CAMK4: variants seen among roughly 807,000 people sequenced by gnomAD.
The protein encoded by CAMK4 is calcium/calmodulin-dependent protein kinase type IV.
A neutral mutation model predicts 44.9 loss-of-function variants in CAMK4; 22 were observed. That is an observed-to-expected ratio of 0.49 (90% CI 0.35 to 0.70). CAMK4 has a LOEUF of 0.70. Ranked by LOEUF, CAMK4 falls within the 30% of genes least tolerant of loss-of-function variation. The pLI is 0.01. For synonymous variants in CAMK4, 218 were observed against 215.4 expected (o/e 1.01, Z -0.11); for missense variants, 498 against 586.8 (o/e 0.85, Z 1.56).
chr5:111,407,440 G>A (rs1217393118), intron 5 of CAMK4, among the ~76,000 whole-genome samples: 2 of 151,518 alleles, frequency 1.3e-5, no homozygotes, highest in African/African-American at 4.9e-5. Flanking sequence ...GGTCCAGAAA[G>A]GCATGCACTG....
intron 1 of CAMK4, among the ~76,000 whole-genome samples, chr5:111,329,628 T>A (rs889816512): frequency 6.6e-6 from 1 of 151,796 alleles, no homozygotes; most frequent in African/African-American, 2.4e-5. Flanking sequence ...AAATAATACA[T>A]CATCAGCAAA....
At chr5:111,288,953 T>C (rs891767080) in intron 1 of CAMK4, among the ~76,000 whole-genome samples, 41 of 152,246 alleles carry the variant, frequency 2.7e-4, no homozygotes, top group African/African-American at 8.7e-4. Context: ...TAAAGTCCCA[T>C]GCACAGAGTG....
At chr5:111,383,912 T>A (rs1226033961) in intron 4 of CAMK4, among the ~76,000 whole-genome samples, 1 of 152,140 alleles carries the variant, frequency 6.6e-6, no homozygotes. Flanking sequence ...AGACTATATA[T>A]GCTATGACTC....
intron 7 of CAMK4, among the ~76,000 whole-genome samples, chr5:111,451,076 G>T (rs1314075107): frequency 1.3e-5 from 2 of 152,022 alleles, no homozygotes; most frequent in African/African-American, 4.8e-5. Context: ...TAAATCCATA[G>T]AATTTTAGTG....
chr5:111,469,079 G>A (rs2112480029), intron 7 of CAMK4, among the ~76,000 whole-genome samples: 1 of 146,488 alleles, frequency 6.8e-6, no homozygotes, highest in Non-Finnish European at 1.5e-5. Flanking sequence ...AGGAGGCGGA[G>A]GTTGCAGTGA....
At chr5:111,325,954 C>T (rs942745451) in intron 1 of CAMK4, among the ~76,000 whole-genome samples, 1 of 151,994 alleles carries the variant, frequency 6.6e-6, no homozygotes, top group African/African-American at 2.4e-5. Flanking sequence ...TTGTGGGATA[C>T]AGCTAAAGTA....
intron 1 of CAMK4, among the ~76,000 whole-genome samples, chr5:111,275,500 T>TA (rs1750719452): frequency 6.6e-6 from 1 of 152,108 alleles, no homozygotes. Context: ...TTCATTTTTT[T>TA]ATTATACTTT....
At position 111,224,434 on chromosome 5, in the gene CAMK4, CGGGCAGCGG is replaced by C. The variant is rs1561344087; in HGVS notation, c.-49_-41del. ...GGCGGCTGGCGGCCGGCTTCTCGCT[CGGGCAGCGG>C]CGGCGGCGGCGGCGGCGGCTTCCGG... On this transcript the variant is annotated 5_prime_UTR_variant, in exon 1 of 11. Coordinates refer to ENST00000282356, the MANE Select transcript of CAMK4 (RefSeq NM_001744.6). This position sits in a 1 kb window ranked among gnomAD's most constrained non-coding sequence, Gnocchi z 5.7. The C allele has an allele frequency of 2.6e-6, 4 of 1,530,162 alleles. No individual in the cohort carries two copies. The highest frequency in any genetic ancestry group is 3.5e-6 in the Non-Finnish European group (4 of 1,141,822). The allele number at this position is 1,530,162 out of a possible 1,614,324, so 94.8% of individuals were successfully genotyped here. A position where few individuals can be genotyped will look rare whatever the true frequency, so the allele number is the denominator to read the frequency against.
intron 1 of CAMK4, among the ~76,000 whole-genome samples, chr5:111,281,785 G>A (rs905664104): frequency 6.6e-5 from 10 of 152,170 alleles, no homozygotes; most frequent in Admixed American, 1.3e-4. Context: ...TTGGCCGGGC[G>A]CGGTGGCTCA....
At chr5:111,346,808 C>G (rs1039105513) in intron 2 of CAMK4, among the ~76,000 whole-genome samples, 1 of 118,990 alleles carries the variant, frequency 8.4e-6, no homozygotes, top group African/African-American at 3.2e-5. Context: ...CTTGAGTCAG[C>G]TCACCCAGTG....
At chr5:111,238,822 T>C (rs1748860764) in intron 1 of CAMK4, among the ~76,000 whole-genome samples, 1 of 130,552 alleles carries the variant, frequency 7.7e-6, no homozygotes, top group Admixed American at 7.8e-5. Flanking sequence ...TTTTTTTTTT[T>C]TTTTTTTTTT....
chr5:111,260,756 C>T (rs1354962533), intron 1 of CAMK4, among the ~76,000 whole-genome samples: 1 of 152,150 alleles, frequency 6.6e-6, no homozygotes, highest in African/African-American at 2.4e-5. Context: ...AAAGATTCCT[C>T]AGATCCTGCA....
intron 1 of CAMK4, among the ~76,000 whole-genome samples, chr5:111,319,282 A>C (rs772835560): frequency 6.6e-6 from 1 of 152,218 alleles, no homozygotes; most frequent in Non-Finnish European, 1.5e-5. Flanking sequence ...CTTTCTAGAT[A>C]GACTTCCACA....
At chr5:111,280,881 A>G (rs983286800) in intron 1 of CAMK4, among the ~76,000 whole-genome samples, 3 of 152,220 alleles carry the variant, frequency 2.0e-5, no homozygotes, top group African/African-American at 4.8e-5. Context: ...TTAATGGAAT[A>G]TTAGCATTGG....
At position 111,384,315 on chromosome 5, in the gene CAMK4, T is replaced by G. The variant is rs190396506; in HGVS notation, c.386+7373T>G. ...TTCATGGAGTTTTGGACAGCGTCTCTTTTTCTCTTGGCTTTCGTCCAACTT... is the reference window on the plus strand; with the variant it reads ...TTCATGGAGTTTTGGACAGCGTCTCGTTTTCTCTTGGCTTTCGTCCAACTT... On this transcript the variant is annotated intron_variant, in intron 4 of 10. Transcript: ENST00000282356. Among the ~76,000 whole-genome samples, 36 of 152,270 alleles carry G rather than the reference T, an allele frequency of 2.4e-4. No individual in the cohort carries two copies. In the East Asian group the frequency reaches 5.6e-3, roughly 24 times the overall value.
In CAMK4 at chr5:111,394,801, C is replaced by T; in HGVS notation, c.459+19C>T. On this transcript the variant is annotated intron_variant, in intron 5 of 10. Coordinates refer to ENST00000282356, the MANE Select transcript of CAMK4 (RefSeq NM_001744.6). ...AGTTGCTGTAAGTATGAAGTAACAG[C>T]AATGGTGTAACTCTTAGTCATCTCT... is the stretch of plus-strand genomic sequence containing the variant. 1 of 1,512,826 alleles carries T rather than the reference C, an allele frequency of 6.6e-7. No individual in the cohort carries two copies. The highest frequency in any genetic ancestry group is 9.2e-7 in the Non-Finnish European group (1 of 1,088,606). 93.7% of individuals were successfully genotyped at this position (1,512,826 alleles called of 1,614,324 possible).
chr5:111,317,817 C>G (rs79160468), intron 1 of CAMK4, among the ~76,000 whole-genome samples: 1 of 143,632 alleles, frequency 7.0e-6, no homozygotes, highest in Admixed American at 7.4e-5. Flanking sequence ...TTTTGAACAA[C>G]GGGCCCTGTA....
At chr5:111,315,192 C>G (rs1326814176) in intron 1 of CAMK4, among the ~76,000 whole-genome samples, 1 of 152,074 alleles carries the variant, frequency 6.6e-6, no homozygotes, top group African/African-American at 2.4e-5. Context: ...GTTTTATTTT[C>G]TCCTCAAAAT....
chr5:111,347,573 A>G (rs548996761), intron 2 of CAMK4, among the ~76,000 whole-genome samples: 1 of 152,074 alleles, frequency 6.6e-6, no homozygotes, highest in East Asian at 1.9e-4. Context: ...GGAGACTGGC[A>G]GTCCCCTAAG....
Sources: allele counts gnomAD v4.1 joint callset (sites outside exome capture counted in the v4.1 genomes callset), GRCh38; gene constraint gnomAD v4.1.1; non-coding constraint Gnocchi (gnomAD v3.1); transcripts MANE v1.5; gene names NCBI Gene and HGNC (gene_info 2026-07-23, HGNC 2026-07-21).